IPCEF1: variants seen among roughly 807,000 people sequenced by gnomAD.
IPCEF1 encodes the protein interaction protein for cytohesin exchange factors 1.
IPCEF1 carries 31 observed loss-of-function variants against 50.9 expected under a neutral mutation model. The observed-to-expected ratio is 0.61, with a 90% CI of 0.46 to 0.82. The LOEUF (loss-of-function observed/expected upper bound fraction) is 0.82, where lower values mean the gene tolerates loss of function less well. Among genes scored for constraint, IPCEF1 ranks in the 40% least tolerant of loss-of-function variants. IPCEF1 has a pLI of 0.00. For synonymous variants in IPCEF1, 181 were observed against 192.0 expected (o/e 0.94, Z 0.47); for missense variants, 458 against 514.0 (o/e 0.89, Z 1.05).
chr6:154,352,568 C>A (rs543241892), intron 1 of IPCEF1, among the ~76,000 whole-genome samples: 2 of 152,240 alleles, frequency 1.3e-5, no homozygotes, highest in African/African-American at 2.4e-5. Flanking sequence ...CCTGTCTTTG[C>A]TCACATTTGT....
intron 1 of IPCEF1, among the ~76,000 whole-genome samples, chr6:154,353,478 G>C (rs1487922035): frequency 1.3e-5 from 2 of 151,996 alleles, no homozygotes; most frequent in Non-Finnish European, 2.9e-5. Flanking sequence ...GTAGAAACAG[G>C]GTTTCGCCAT....
intron 5 of IPCEF1, among the ~76,000 whole-genome samples, chr6:154,242,095 T>C (rs1446255052): frequency 1.3e-5 from 2 of 152,230 alleles, no homozygotes; most frequent in African/African-American, 4.8e-5. Flanking sequence ...ATTATGAGAA[T>C]TCAATATAAT....
chr6:154,312,409 C>T (rs118124932), intron 1 of IPCEF1, among the ~76,000 whole-genome samples: 3,225 of 152,108 alleles, frequency 0.021, 48 homozygotes, highest in Non-Finnish European at 0.034. Context: ...TGCAGTGTCA[C>T]GATCTCGGCT....
chr6:154,287,502 T>G (rs1782393608), intron 2 of IPCEF1, among the ~76,000 whole-genome samples: 1 of 152,218 alleles, frequency 6.6e-6, no homozygotes, highest in Non-Finnish European at 1.5e-5. Context: ...ATTTAACAGA[T>G]GAGGAAAGCG....
intron 1 of IPCEF1, among the ~76,000 whole-genome samples, chr6:154,325,622 G>A (rs868475528): frequency 1.1e-4 from 17 of 152,292 alleles, no homozygotes; most frequent in African/African-American, 3.9e-4. Context: ...AGAGGTGGGG[G>A]TGACCAACAT....
intron 7 of IPCEF1, among the ~76,000 whole-genome samples, chr6:154,215,882 G>A (rs948430863): frequency 1.3e-5 from 2 of 152,114 alleles, no homozygotes; most frequent in Non-Finnish European, 2.9e-5. Flanking sequence ...AAATTTCTCA[G>A]CCTCAATAGT....
At chr6:154,330,468 C>A (rs911531348) in intron 1 of IPCEF1, among the ~76,000 whole-genome samples, 1 of 151,660 alleles carries the variant, frequency 6.6e-6, no homozygotes, top group Non-Finnish European at 1.5e-5. Flanking sequence ...CCCCGAGTAG[C>A]TGAGAACACA....
rs374933097 is a variant in IPCEF1 at position 154,310,804 on chromosome 6, C to A, written c.-61-21048G>T. On this transcript the variant is annotated intron_variant, in intron 1 of 11. Coordinates refer to ENST00000367220, the MANE Select transcript of IPCEF1 (RefSeq NM_001130700.2). ...TATATGTGGAATCTAAAAACTTAAT[C>A]TCATAGAAAAAGAGAGTAGAAAGGG... Among the ~76,000 whole-genome samples the A allele has an allele frequency of 1.3e-4, 19 of 151,714 alleles. No homozygotes were observed. The East Asian group carries it at 3.7e-3, about 29-fold the overall frequency.
At chr6:154,209,671 TA>T (rs1268528016) in intron 9 of IPCEF1, among the ~76,000 whole-genome samples, 7 of 151,572 alleles carry the variant, frequency 4.6e-5, no homozygotes, top group Admixed American at 1.3e-4. Context: ...AGTTACTATA[TA>T]TTTTTTTTAT....
intron 11 of IPCEF1, among the ~76,000 whole-genome samples, chr6:154,162,290 T>G (rs1399049626): frequency 2.0e-5 from 3 of 152,202 alleles, no homozygotes; most frequent in African/African-American, 7.2e-5. Flanking sequence ...TTCTTGCATG[T>G]TAAAATTCCT....
At chr6:154,273,928 T>C (rs1209881758) in intron 2 of IPCEF1, among the ~76,000 whole-genome samples, 7 of 151,372 alleles carry the variant, frequency 4.6e-5, no homozygotes, top group Non-Finnish European at 8.8e-5. Flanking sequence ...TAATTTTTTG[T>C]ATTTTTAGTA....
intron 10 of IPCEF1, among the ~76,000 whole-genome samples, chr6:154,177,715 G>A (rs1172914813): frequency 6.6e-6 from 1 of 152,192 alleles, no homozygotes; most frequent in African/African-American, 2.4e-5. Context: ...TTCAACCATT[G>A]TGGAAGACAG....
intron 1 of IPCEF1, among the ~76,000 whole-genome samples, chr6:154,348,254 C>T (rs564457257): frequency 1.5e-3 from 223 of 152,316 alleles, no homozygotes; most frequent in Middle Eastern, 3.4e-3. Context: ...CCATTACCTA[C>T]GCAAAAGCTG....
At chr6:154,184,498 TA>T (rs1371253286) in intron 10 of IPCEF1, among the ~76,000 whole-genome samples, 1 of 152,068 alleles carries the variant, frequency 6.6e-6, no homozygotes, top group Non-Finnish European at 1.5e-5. Context: ...ACATTTTTTT[TA>T]AAAGACCAAT....
intron 1 of IPCEF1, among the ~76,000 whole-genome samples, chr6:154,312,531 A>G (rs1783104847): frequency 6.6e-6 from 1 of 152,016 alleles, no homozygotes; most frequent in South Asian, 2.1e-4. Flanking sequence ...TGTTTTTAGT[A>G]GAGACGGGGT....
At chr6:154,191,782 C>G (rs1562532473) in intron 10 of IPCEF1, among the ~76,000 whole-genome samples, 1 of 152,016 alleles carries the variant, frequency 6.6e-6, no homozygotes, top group Non-Finnish European at 1.5e-5. Flanking sequence ...CCAGTTGTAA[C>G]AAATGAACCA....
chr6:154,336,334 G>T (rs920217574), intron 1 of IPCEF1, among the ~76,000 whole-genome samples: 1 of 152,138 alleles, frequency 6.6e-6, no homozygotes, highest in Non-Finnish European at 1.5e-5. Context: ...ATATCATTTG[G>T]CCATAAAAAA....
chr6:154,347,059 G>T (rs572927037), intron 1 of IPCEF1, among the ~76,000 whole-genome samples: 1 of 152,156 alleles, frequency 6.6e-6, no homozygotes, highest in Non-Finnish European at 1.5e-5. Context: ...TTTCCTCAAG[G>T]CTCAGGCAAA....
chr6:154,248,110 G>A (rs1781204210), intron 3 of IPCEF1, among the ~76,000 whole-genome samples: 1 of 152,052 alleles, frequency 6.6e-6, no homozygotes, highest in Non-Finnish European at 1.5e-5. Context: ...TTGTTATTCT[G>A]TCTTTAAATA....
Sources: allele counts gnomAD v4.1 joint callset (sites outside exome capture counted in the v4.1 genomes callset), GRCh38; gene constraint gnomAD v4.1.1; transcripts MANE v1.5; gene names NCBI Gene and HGNC (gene_info 2026-07-23, HGNC 2026-07-21).